Variants in TACR2 observed in about 807,000 individuals in gnomAD.
The protein encoded by TACR2 is tachykinin receptor 2.
TACR2 carries 24 observed loss-of-function variants against 28.9 expected under a neutral mutation model. The ratio of observed to expected loss-of-function variants is 0.83; its 90% CI spans 0.60 to 1.17. The LOEUF (loss-of-function observed/expected upper bound fraction) is 1.17. TACR2 is among the 50% of genes most tolerant of loss of function. The probability of loss-of-function intolerance (pLI) is 0.00; values close to 1 mark genes in which losing one functional copy is unlikely to be tolerated. For synonymous variants in TACR2, 222 were observed against 212.6 expected (o/e 1.04, Z -0.38); for missense variants, 487 against 524.4 (o/e 0.93, Z 0.70).
intron 2 of TACR2, among the ~76,000 whole-genome samples, chr10:69,410,381 C>T (rs982711564): frequency 6.6e-6 from 1 of 151,850 alleles, no homozygotes; most frequent in Admixed American, 6.6e-5. Flanking sequence ...ATTAGCCAGG[C>T]GTAATGGGGC....
chr10:69,404,685 T>G lies in TACR2; in HGVS notation c.*141A>C. 1 of 476,188 alleles carries G rather than the reference T, an allele frequency of 2.1e-6. No individual in the cohort carries two copies. The highest frequency in any genetic ancestry group is 2.0e-5 in the African/African-American group (1 of 50,380). 29.5% of individuals were successfully genotyped at this position (476,188 alleles called of 1,614,324 possible). A position where few individuals can be genotyped will look rare whatever the true frequency, so the allele number is the denominator to read the frequency against. Reference sequence around the variant, plus strand: ...GGACACCACACTCTTTCTAACAACTTGTTATTTTGGGAACTAGTCCATTCC... The same window carrying G: ...GGACACCACACTCTTTCTAACAACTGGTTATTTTGGGAACTAGTCCATTCC... On this transcript the variant is annotated 3_prime_UTR_variant, in exon 5 of 5. Transcript: ENST00000373306.
chr10:69,409,274 T>C (rs550046411), intron 2 of TACR2, 199 bp from the exon 3 acceptor site: 1 of 447,720 alleles, frequency 2.2e-6, no homozygotes, highest in Non-Finnish European at 3.8e-6. Context: ...ACGGCTTCCC[T>C]GCAAAAGGGA....
At chr10:69,410,316 A>G (rs1840558750) in intron 2 of TACR2, among the ~76,000 whole-genome samples, 1 of 151,908 alleles carries the variant, frequency 6.6e-6, no homozygotes, top group Non-Finnish European at 1.5e-5. Flanking sequence ...CAGGAATTTG[A>G]GACCAACCTG....
chr10:69,414,512 G>A (rs1032382231), intron 2 of TACR2, among the ~76,000 whole-genome samples: 1 of 152,182 alleles, frequency 6.6e-6, no homozygotes, highest in African/African-American at 2.4e-5. Context: ...GTGCATATTT[G>A]AGTAGCAGAG....
chr10:69,406,523 G>A (rs1341962450), intron 4 of TACR2, among the ~76,000 whole-genome samples: 1 of 152,196 alleles, frequency 6.6e-6, no homozygotes, highest in Non-Finnish European at 1.5e-5. Flanking sequence ...AGTCCCTGGA[G>A]GACAGGGCAT....
chr10:69,413,968 G>A (rs1293895960), intron 2 of TACR2, among the ~76,000 whole-genome samples: 2 of 152,188 alleles, frequency 1.3e-5, no homozygotes, highest in Non-Finnish European at 1.5e-5. Context: ...GAAAGCCAGA[G>A]GTTCAGAGGT....
chr10:69,410,920 C>T (rs867433614), intron 2 of TACR2, among the ~76,000 whole-genome samples: 15 of 152,174 alleles, frequency 9.9e-5, no homozygotes, highest in African/African-American at 3.6e-4. Flanking sequence ...GAATGCAGAG[C>T]TCCACCTGTC....
intron 3 of TACR2, 21 bp from the exon 4 acceptor site, chr10:69,407,301 G>A: frequency 6.3e-7 from 1 of 1,593,418 alleles, no homozygotes; most frequent in Non-Finnish European, 8.5e-7. Context: ...AGAGGCTCAA[G>A]TTACTTCTTA....
intron 2 of TACR2, among the ~76,000 whole-genome samples, chr10:69,410,587 G>A (rs1016913076): frequency 5.3e-5 from 8 of 151,392 alleles, no homozygotes; most frequent in African/African-American, 1.9e-4. Flanking sequence ...TGACGCTGCA[G>A]CCTCTCTCTG....
intron 2 of TACR2, among the ~76,000 whole-genome samples, chr10:69,410,442 G>A (rs1371473944): frequency 6.6e-6 from 1 of 150,974 alleles, no homozygotes; most frequent in African/African-American, 2.4e-5. Context: ...GTTCACTTGA[G>A]CCCAGGAGAT....
At position 69,409,093 on chromosome 10, in the gene TACR2, G is replaced by T; in HGVS notation, c.588-18C>A. The T allele has an allele frequency of 6.4e-7, 1 of 1,570,026 alleles. No individual in the cohort carries two copies. Among genetic ancestry groups the T allele is most frequent in the Non-Finnish European group, 8.6e-7 (1 of 1,160,284 alleles). ...GGTGGTACCTGCAGGGAGAGCCGAG[G>T]CCTGGGCAGCGGAGGGCCCGGGGGC... On this transcript the variant is annotated intron_variant, in intron 2 of 4. Coordinates refer to ENST00000373306, the MANE Select transcript of TACR2 (RefSeq NM_001057.3).
At chr10:69,414,076 G>A (rs552457485) in intron 2 of TACR2, among the ~76,000 whole-genome samples, 1 of 152,320 alleles carries the variant, frequency 6.6e-6, no homozygotes, top group Admixed American at 6.5e-5. Context: ...CCTCTACCAA[G>A]CAATGGCTCA....
intron 2 of TACR2, among the ~76,000 whole-genome samples, chr10:69,409,750 T>A (rs1840544147): frequency 6.6e-6 from 1 of 151,522 alleles, no homozygotes; most frequent in African/African-American, 2.4e-5. Context: ...ACAGTATATA[T>A]CTATATAGAG....
chr10:69,409,910 T>TACATATATATATATATAC lies in TACR2; in HGVS notation c.588-836_588-835insGTATATATATATATATGT, dbSNP rs1411082720. ...ATATACATATATATATATACATATA[T>TACATATATATATATATAC]ATATATATATATATATATATATATA... On this transcript the variant is annotated intron_variant, in intron 2 of 4. Transcript: ENST00000373306. Among the ~76,000 whole-genome samples, 8 of 21,968 alleles carry TACATATATATATATATAC rather than the reference T, an allele frequency of 3.6e-4. No individual in the cohort carries two copies. The East Asian group carries it at 9.4e-3, about 26-fold the overall frequency. The allele number at this position is 21,968 out of a possible 152,430, so 14.4% of individuals were successfully genotyped here. A position where few individuals can be genotyped will look rare whatever the true frequency, so the allele number is the denominator to read the frequency against.
chr10:69,409,292 A>C, intron 2 of TACR2: 1 of 414,950 alleles, frequency 2.4e-6, no homozygotes, highest in Middle Eastern at 6.4e-4. Flanking sequence ...GGACGCCAGC[A>C]GTAGCCCTGC....
In TACR2 at chr10:69,409,155, C is replaced by T; in HGVS notation, c.588-80G>A. 2.2e-6 allele frequency: 3 copies of T among 1,374,382 alleles called. No individual in the cohort carries two copies. In the South Asian group the frequency reaches 5.0e-5, roughly 23 times the overall value. 85.1% of individuals were successfully genotyped at this position (1,374,382 alleles called of 1,614,324 possible). On this transcript the variant is annotated intron_variant, in intron 2 of 4. Coordinates refer to ENST00000373306, the MANE Select transcript of TACR2 (RefSeq NM_001057.3). ...CTGCCAGCGCCTGGTCCTGGGACCCCGCGGGCACTGTGGAGCCGCCCCTGC... is the reference window on the plus strand; with the variant it reads ...CTGCCAGCGCCTGGTCCTGGGACCCTGCGGGCACTGTGGAGCCGCCCCTGC...
rs41279668 is a variant in TACR2, at chr10:69,404,190, A to G, written c.*636T>C. On this transcript the variant is annotated 3_prime_UTR_variant, in exon 5 of 5. Transcript: ENST00000373306. The stretch of plus-strand genomic sequence containing the variant: ...GCATCTCTTAAATTAGATAAATATC[A>G]GCTTACACTGTCTTTTCTGACCCTT... 21,983 of 152,288 alleles carry G rather than the reference A, an allele frequency of 0.14. 1,937 individuals carry two copies. The highest frequency in any genetic ancestry group is 0.19 in the Non-Finnish European group (13,105 of 68,026). 9.4% of individuals were successfully genotyped at this position (152,288 alleles called of 1,614,324 possible).
At position 69,414,925 on chromosome 10, in the gene TACR2, C is replaced by G; in HGVS notation, c.587+20G>C. The stretch of plus-strand genomic sequence containing the variant: ...CACACACACACACTGTTGCCCTCCA[C>G]AATCCCCCAGAGGCCTTACAGGAGG... On this transcript the variant is annotated intron_variant, in intron 2 of 4. Coordinates refer to ENST00000373306, the MANE Select transcript of TACR2 (RefSeq NM_001057.3). 6.3e-7 allele frequency: 1 copy of G among 1,597,044 alleles called. No homozygotes were observed. Among genetic ancestry groups the G allele is most frequent in the Non-Finnish European group, 8.6e-7 (1 of 1,168,592 alleles).
Position 69,404,291 on chromosome 10 carries a change from C to A in TACR2, c.*535G>T. 6.6e-6 allele frequency: 1 copy of A among 152,268 alleles called. No individual in the cohort carries two copies. The highest frequency in any genetic ancestry group is 1.5e-5 in the Non-Finnish European group (1 of 68,058). 9.4% of individuals were successfully genotyped at this position (152,268 alleles called of 1,614,324 possible). ...GTCAGCATCCTTTCTGGAGTTCTGG[C>A]CCCATGTTGTCTTTGTATTGGTATA... On this transcript the variant is annotated 3_prime_UTR_variant, in exon 5 of 5. Coordinates refer to ENST00000373306, the MANE Select transcript of TACR2 (RefSeq NM_001057.3).
Sources: gnomAD v4.1 joint callset for allele counts (sites outside exome capture counted in the v4.1 genomes callset) on GRCh38, gnomAD v4.1.1 for gene constraint, MANE v1.5 for transcripts, NCBI Gene and HGNC (gene_info 2026-07-23, HGNC 2026-07-21) for gene names.